Variants in NEURL1 observed in about 807,000 individuals in gnomAD.
The protein encoded by NEURL1 is neuralized E3 ubiquitin protein ligase 1.
Under a neutral mutation model 41.2 loss-of-function variants are expected in NEURL1, and 26 were observed. That is an observed-to-expected ratio of 0.63 (90% CI 0.46 to 0.87). The LOEUF (loss-of-function observed/expected upper bound fraction) is 0.87. Among genes scored for constraint, NEURL1 ranks in the 40% least tolerant of loss-of-function variants. The probability of loss-of-function intolerance (pLI) is 0.00; values close to 1 mark genes in which losing one functional copy is unlikely to be tolerated. For missense variants in NEURL1, 761 were observed against 871.1 expected, an observed-to-expected ratio of 0.87 and a Z score of 1.59; for synonymous variants, 400 against 402.3, an observed-to-expected ratio of 0.99 and a Z score of 0.07.
intron 1 of NEURL1, among the ~76,000 whole-genome samples, chr10:103,525,927 C>T (rs990369405): frequency 6.6e-6 from 1 of 152,096 alleles, no homozygotes; most frequent in East Asian, 1.9e-4. Flanking sequence ...TCCTTCTATA[C>T]CTAACTTGTT....
intron 3 of NEURL1, chr10:103,577,950 TC>T (rs2035700594): frequency 6.6e-6 from 1 of 152,170 alleles, no homozygotes; most frequent in African/African-American, 2.4e-5. Context: ...AAAGGCAATC[TC>T]ATGTTTGCCC....
At chr10:103,497,999 G>A (rs1015221765) in intron 1 of NEURL1, among the ~76,000 whole-genome samples, 1 of 152,106 alleles carries the variant, frequency 6.6e-6, no homozygotes, top group African/African-American at 2.4e-5. Flanking sequence ...GGAAGAAGGG[G>A]GAAAGGCACT....
intron 1 of NEURL1, chr10:103,555,479 G>A (rs2035131955): frequency 1.6e-6 from 2 of 1,288,338 alleles, no homozygotes; most frequent in Non-Finnish European, 1.0e-6. Flanking sequence ...GAGGCCGGGC[G>A]GAGGGGCGCT....
At chr10:103,505,048 CTT>C (rs35244731) in intron 1 of NEURL1, among the ~76,000 whole-genome samples, 6 of 139,450 alleles carry the variant, frequency 4.3e-5, no homozygotes, top group Non-Finnish European at 3.1e-5. Flanking sequence ...TCTCCTGTAT[CTT>C]TTTTTTTTTT....
intron 1 of NEURL1, among the ~76,000 whole-genome samples, chr10:103,569,254 G>A (rs75910866): frequency 0.046 from 7,018 of 152,260 alleles, 550 homozygotes; most frequent in African/African-American, 0.16. Context: ...TTTTTAACAG[G>A]CTAATTTCAC....
chr10:103,570,868 G>A lies in NEURL1; in HGVS notation c.86-4G>A. ...CTCTGACACCGTGGCCTGTTCCTTTGCAGACTCTATCGGGGGCCCCTTCCC... is the reference window on the plus strand; with the variant it reads ...CTCTGACACCGTGGCCTGTTCCTTTACAGACTCTATCGGGGGCCCCTTCCC... On this transcript the variant is annotated splice_region_variant and splice_polypyrimidine_tract_variant and intron_variant, in intron 1 of 5. Coordinates refer to ENST00000369780, the MANE Select transcript of NEURL1 (RefSeq NM_004210.5). The A allele has an allele frequency of 6.2e-7, 1 of 1,611,644 alleles. No individual in the cohort carries two copies. The highest frequency in any genetic ancestry group is 8.5e-7 in the Non-Finnish European group (1 of 1,178,554).
chr10:103,501,459 T>C (rs753930005), intron 1 of NEURL1, among the ~76,000 whole-genome samples: 63 of 151,774 alleles, frequency 4.2e-4, no homozygotes, highest in Middle Eastern at 3.4e-3. Flanking sequence ...CCCACAGCTA[T>C]GGGCAGCAGG....
intron 1 of NEURL1, among the ~76,000 whole-genome samples, chr10:103,497,013 C>T (rs2033701296): frequency 6.6e-6 from 1 of 152,038 alleles, no homozygotes; most frequent in African/African-American, 2.4e-5. Flanking sequence ...ATTTTGATCC[C>T]GCCCCTACTA....
chr10:103,582,915 A>G (rs11598047), intron 3 of NEURL1, among the ~76,000 whole-genome samples: 24,687 of 152,256 alleles, frequency 0.16, 2,249 homozygotes, highest in South Asian at 0.27. Flanking sequence ...CGGCATTAGG[A>G]GTTGGACAGA....
At chr10:103,518,026 A>C (rs959691607) in intron 1 of NEURL1, among the ~76,000 whole-genome samples, 4 of 152,198 alleles carry the variant, frequency 2.6e-5, no homozygotes, top group African/African-American at 9.7e-5. Context: ...GTAACTTTGC[A>C]TGCCCTGATC....
intron 1 of NEURL1, among the ~76,000 whole-genome samples, chr10:103,540,611 ACTT>A (rs1350209342): frequency 3.3e-5 from 5 of 152,058 alleles, no homozygotes; most frequent in African/African-American, 2.4e-5. Flanking sequence ...TTTTATCACT[ACTT>A]TTTTCTCCAG....
chr10:103,560,233 T>C lies in NEURL1; in HGVS notation c.86-10639T>C, dbSNP rs1411622681. On this transcript the variant is annotated intron_variant, in intron 1 of 5. Transcript: ENST00000369780. ...GGGTGCTGATGTTACTGGGCTGCACTTCCCCTCATTCTCCAGGCCTGGCCT... is the reference window on the plus strand; with the variant it reads ...GGGTGCTGATGTTACTGGGCTGCACCTCCCCTCATTCTCCAGGCCTGGCCT... 4.6e-5 allele frequency among the ~76,000 whole-genome samples: 7 copies of C among 152,290 alleles called. No homozygotes were observed. The South Asian group carries it at 6.2e-4, about 14-fold the overall frequency.
intron 4 of NEURL1, chr10:103,589,056 A>G (rs2035983406): frequency 5.1e-6 from 2 of 389,066 alleles, no homozygotes; most frequent in East Asian, 7.1e-5. Context: ...CAGAGGTGCC[A>G]TGCAGAAAAG....
intron 1 of NEURL1, among the ~76,000 whole-genome samples, chr10:103,509,878 C>G (rs1481348908): frequency 6.6e-6 from 1 of 152,120 alleles, no homozygotes; most frequent in Admixed American, 6.5e-5. Flanking sequence ...GATGAGGGTT[C>G]CATTCCTGGA....
At chr10:103,549,628 CTCAA>C (rs1337888770) in intron 1 of NEURL1, among the ~76,000 whole-genome samples, 3 of 152,338 alleles carry the variant, frequency 2.0e-5, no homozygotes, top group Non-Finnish European at 4.4e-5. Context: ...GGCTCATCAA[CTCAA>C]TCAAATTATC....
At chr10:103,563,336 A>G (rs1032214446) in intron 1 of NEURL1, among the ~76,000 whole-genome samples, 1 of 152,190 alleles carries the variant, frequency 6.6e-6, no homozygotes, top group Non-Finnish European at 1.5e-5. Context: ...CAGAGAAATA[A>G]ATCAAGGTCC....
intron 1 of NEURL1, among the ~76,000 whole-genome samples, chr10:103,528,379 A>G (rs1448080629): frequency 6.6e-6 from 1 of 151,840 alleles, no homozygotes; most frequent in Non-Finnish European, 1.5e-5. Flanking sequence ...AAAAAAAAAT[A>G]CAAAAATTAG....
rs368918130 is a variant in NEURL1 at position 103,494,488 on chromosome 10, G to C, written c.85+16G>C. The C allele has an allele frequency of 2.0e-6, 3 of 1,537,628 alleles. No homozygotes were observed. ...AACCTCAAAGGTAGGCTCCCCGGCC[G>C]AGCGCTGCTGGAGGACTGGGGCGCA... On this transcript the variant is annotated intron_variant, in intron 1 of 5. Coordinates refer to ENST00000369780, the MANE Select transcript of NEURL1 (RefSeq NM_004210.5).
intron 4 of NEURL1, among the ~76,000 whole-genome samples, chr10:103,586,400 C>T (rs924061044): frequency 5.9e-5 from 9 of 152,096 alleles, no homozygotes; most frequent in African/African-American, 2.2e-4. Context: ...CTTGGACCCC[C>T]CCTCCAGAGA....
Sources: allele counts gnomAD v4.1 joint callset (sites outside exome capture counted in the v4.1 genomes callset), GRCh38; gene constraint gnomAD v4.1.1; transcripts MANE v1.5; gene names NCBI Gene and HGNC (gene_info 2026-07-23, HGNC 2026-07-21).